Variants in RYR3 observed in about 807,000 individuals in gnomAD.
RYR3 encodes the protein ryanodine receptor 3.
A neutral mutation model predicts 584.3 loss-of-function variants in RYR3; 207 were observed. The observed-to-expected ratio is 0.35, with a 90% confidence interval of 0.32 to 0.40. RYR3 has a LOEUF of 0.40. Ranked by LOEUF, RYR3 falls within the 10% of genes least tolerant of loss-of-function variation. The pLI, the probability that RYR3 is intolerant of heterozygous loss-of-function variation, is 1.00. For synonymous variants in RYR3, 2,416 were observed against 2,248.5 expected (o/e 1.07, Z -2.11); for missense variants, 5,616 against 6,089.2 (o/e 0.92, Z 2.59).
intron 78 of RYR3, 99 bp downstream of exon 78, chr15:33,820,911 G>GCC: frequency 9.8e-6 from 1 of 101,770 alleles, no homozygotes; most frequent in Non-Finnish European, 1.4e-5. Context: ...AGCATTTCCT[G>GCC]CATTCAGCCA....
intron 48 of RYR3, among the ~76,000 whole-genome samples, chr15:33,732,008 C>A: frequency 6.6e-6 from 1 of 152,144 alleles, no homozygotes; most frequent in Middle Eastern, 3.2e-3. Flanking sequence ...TCTTCATTCT[C>A]AAGATAGAGC....
chr15:33,351,207 C>T (rs1973200330), intron 1 of RYR3, among the ~76,000 whole-genome samples: 2 of 152,090 alleles, frequency 1.3e-5, no homozygotes, highest in Non-Finnish European at 2.9e-5. Flanking sequence ...AAGACTAAAC[C>T]AGGAAGAAGT....
At chr15:33,705,275 C>T (rs948565336) in intron 42 of RYR3, among the ~76,000 whole-genome samples, 3 of 152,144 alleles carry the variant, frequency 2.0e-5, no homozygotes, top group African/African-American at 7.2e-5. Flanking sequence ...ATTATCTTTA[C>T]TGGTTTAAGA....
At chr15:33,362,992 T>A (rs574520351) in intron 1 of RYR3, among the ~76,000 whole-genome samples, 1 of 152,204 alleles carries the variant, frequency 6.6e-6, no homozygotes, top group Non-Finnish European at 1.5e-5. Flanking sequence ...GGGCAGTGAC[T>A]TTTGGACATG....
chr15:33,751,552 C>G (rs906282313), intron 57 of RYR3, among the ~76,000 whole-genome samples: 6 of 150,084 alleles, frequency 4.0e-5, no homozygotes, highest in African/African-American at 1.5e-4. Flanking sequence ...AGTGTCTGTT[C>G]AAAGCCTTCA....
At chr15:33,509,356 T>C (rs570999079) in intron 3 of RYR3, among the ~76,000 whole-genome samples, 4 of 152,270 alleles carry the variant, frequency 2.6e-5, no homozygotes, top group Admixed American at 1.3e-4. Context: ...TTTTATACCA[T>C]AGAAGAAAAG....
intron 31 of RYR3, among the ~76,000 whole-genome samples, chr15:33,651,963 G>T (rs956027430): frequency 6.6e-6 from 1 of 152,166 alleles, no homozygotes. Flanking sequence ...AGCTCACCTG[G>T]GATGTGAAAT....
At chr15:33,697,849 G>T (rs779441939) in intron 39 of RYR3, 33 bp from the exon 40 acceptor site, 4 of 1,340,006 alleles carry the variant, frequency 3.0e-6, no homozygotes, top group Non-Finnish European at 4.3e-6. Context: ...TAAATAAGCA[G>T]GTGCTGAAGA....
At chr15:33,796,259 C>T (rs1285511692) in intron 67 of RYR3, among the ~76,000 whole-genome samples, 1 of 152,096 alleles carries the variant, frequency 6.6e-6, no homozygotes, top group Non-Finnish European at 1.5e-5. Context: ...CTCAGCCTCC[C>T]GAGTAGCTGG....
At chr15:33,796,074 G>C (rs183461777) in intron 67 of RYR3, among the ~76,000 whole-genome samples, 1 of 152,198 alleles carries the variant, frequency 6.6e-6, no homozygotes, top group Non-Finnish European at 1.5e-5. Context: ...CAGGAGCGTG[G>C]CTTCCTTTTC....
intron 1 of RYR3, among the ~76,000 whole-genome samples, chr15:33,435,403 G>A (rs1567230274): frequency 6.6e-6 from 1 of 152,174 alleles, no homozygotes; most frequent in African/African-American, 2.4e-5. Context: ...GCATTCCAGT[G>A]TATACATTTA....
At chr15:33,527,343 G>A (rs1044772887) in intron 3 of RYR3, among the ~76,000 whole-genome samples, 1 of 152,208 alleles carries the variant, frequency 6.6e-6, no homozygotes, top group East Asian at 1.9e-4. Flanking sequence ...CACTTTGGGA[G>A]GCTGAGGTAG....
intron 67 of RYR3, among the ~76,000 whole-genome samples, chr15:33,793,338 T>G (rs2075274779): frequency 6.6e-6 from 1 of 152,092 alleles, no homozygotes; most frequent in Non-Finnish European, 1.5e-5. Flanking sequence ...TCACTGGCCA[T>G]TGGTGATTTA....
At chr15:33,420,848 A>G (rs1221711878) in intron 1 of RYR3, among the ~76,000 whole-genome samples, 1 of 152,160 alleles carries the variant, frequency 6.6e-6, no homozygotes, top group Non-Finnish European at 1.5e-5. Context: ...TGTTGGTAAA[A>G]TGAAATCCCA....
chr15:33,810,394 A>G (rs2076457175), intron 70 of RYR3, 85 bp from the exon 71 acceptor site: 1 of 1,405,846 alleles, frequency 7.1e-7, no homozygotes, highest in Non-Finnish European at 9.9e-7. Context: ...CAGGGCCACA[A>G]GGAGGCAGGC....
chr15:33,676,836 C>A (rs544873456), intron 38 of RYR3, among the ~76,000 whole-genome samples: 3 of 152,148 alleles, frequency 2.0e-5, no homozygotes, highest in Non-Finnish European at 4.4e-5. Context: ...TCACAGTAAT[C>A]GATGCTTAAA....
At chr15:33,332,676 A>T (rs187003851) in intron 1 of RYR3, among the ~76,000 whole-genome samples, 3 of 152,270 alleles carry the variant, frequency 2.0e-5, no homozygotes, top group African/African-American at 7.2e-5. Flanking sequence ...TTGAAAATTT[A>T]AAAATTACAC....
At position 33,818,631 on chromosome 15, in the gene RYR3, C is replaced by T. The variant is rs1567235661; in HGVS notation, c.10653C>T (p.Asp3551=). 1 of 1,613,972 alleles carries T rather than the reference C, an allele frequency of 6.2e-7. No homozygotes were observed. Among genetic ancestry groups the T allele is most frequent in the Non-Finnish European group, 8.5e-7 (1 of 1,179,866 alleles). Residue 3551 remains aspartate, a synonymous_variant, in exon 76 of 104, where the codon GAC becomes GAT. Coordinates refer to ENST00000634891, the MANE Select transcript of RYR3 (RefSeq NM_001036.6). ...AGGAAGAGACAGAAAAACAACCTGA[C>T]CCACTACATCAGATCATTCTCTATT... is the stretch of plus-strand genomic sequence containing the variant. ...EEEEETEKQP[D]PLHQIILYFS...
intron 57 of RYR3, among the ~76,000 whole-genome samples, chr15:33,754,009 A>G (rs1413411007): frequency 6.6e-6 from 1 of 152,122 alleles, no homozygotes; most frequent in African/African-American, 2.4e-5. Context: ...GCCAGGAATG[A>G]TGGTGCGTGC....
Sources: gnomAD v4.1 joint callset for allele counts (sites outside exome capture counted in the v4.1 genomes callset) on GRCh38, gnomAD v4.1.1 for gene constraint, MANE v1.5 for transcripts, NCBI Gene and HGNC (gene_info 2026-07-23, HGNC 2026-07-21) for gene names.